The following SYMPK variants were observed in gnomAD, a reference collection of about 807,000 sequenced individuals.
SYMPK encodes the protein symplekin scaffold protein, also known as symplekin.
A neutral mutation model predicts 136.4 loss-of-function variants in SYMPK; 49 were observed. The observed-to-expected ratio is 0.36, with a 90% CI of 0.29 to 0.46. SYMPK has a LOEUF of 0.46. SYMPK is among the 20% of genes least tolerant of loss of function. SYMPK has a pLI of 1.00. For missense variants in SYMPK, 1,365 were observed against 1,690.0 expected (o/e 0.81, Z 3.37); for synonymous variants, 766 against 713.0 (o/e 1.07, Z -1.19).
rs909978376 is a variant in SYMPK, at chr19:45,848,339, A to G, written c.427-338T>C. Among the ~76,000 whole-genome samples, 4 of 152,226 alleles carry G rather than the reference A, an allele frequency of 2.6e-5. No homozygotes were observed. The East Asian group carries it at 5.8e-4, about 22-fold the overall frequency. On this transcript the variant is annotated intron_variant, in intron 6 of 26. Transcript: ENST00000245934. ...TCATTCGTTTTATTAATGCTAATGT[A>G]CATCACACCATAGAGTGTTCTTTTC...
At chr19:45,834,782 C>T (rs1042349434) in intron 11 of SYMPK, among the ~76,000 whole-genome samples, 8 of 152,212 alleles carry the variant, frequency 5.3e-5, no homozygotes, top group Non-Finnish European at 1.2e-4. Context: ...ATTAATAGTA[C>T]TGTTAAAACA....
chr19:45,835,516 G>A (rs918489), intron 10 of SYMPK, among the ~76,000 whole-genome samples: 21,701 of 152,196 alleles, frequency 0.14, 1,633 homozygotes, highest in South Asian at 0.18. Flanking sequence ...GCAGGAGTCA[G>A]CATAATACAG....
At chr19:45,817,041 GAGA>G in intron 23 of SYMPK, 67 bp from the exon 24 acceptor site, 1 of 1,482,658 alleles carries the variant, frequency 6.7e-7, no homozygotes, top group Non-Finnish European at 9.1e-7. Flanking sequence ...TTGACACTGG[GAGA>G]AAGACCTTGC....
chr19:45,826,745 G>T (rs533358466), intron 16 of SYMPK, among the ~76,000 whole-genome samples: 1 of 152,322 alleles, frequency 6.6e-6, no homozygotes, highest in East Asian at 1.9e-4. Context: ...GCCAGGAGCC[G>T]TGAGGGAAGG....
chr19:45,816,232 G>A (rs1177878443), intron 25 of SYMPK, 49 bp from the exon 26 acceptor site: 3 of 1,347,674 alleles, frequency 2.2e-6, no homozygotes, highest in Non-Finnish European at 3.0e-6. Context: ...GTGGCTCAGA[G>A]GACGGCCGGA....
chr19:45,830,290 G>A (rs1032004517), intron 12 of SYMPK, 86 bp from the exon 13 acceptor site: 29 of 1,456,722 alleles, frequency 2.0e-5, no homozygotes, highest in Non-Finnish European at 2.5e-5. Context: ...CAAGGACTAG[G>A]TAGGCAACAG....
rs548233463 is a variant in SYMPK, at chr19:45,825,370, C to G, written c.2330-39G>C. On this transcript the variant is annotated intron_variant, in intron 17 of 26. Coordinates refer to ENST00000245934, the MANE Select transcript of SYMPK (RefSeq NM_004819.3). ...AGCGGGCATCAGATTGGCCCACACT[C>G]TTCTCCAACCCCCTCGGACCCTCAG... The G allele has an allele frequency of 6.4e-5, 103 of 1,600,326 alleles. No individual in the cohort carries two copies. The East Asian group carries it at 2.0e-3, about 30-fold the overall frequency.
At chr19:45,826,055 C>G (rs564488499) in intron 17 of SYMPK, among the ~76,000 whole-genome samples, 171 bp downstream of exon 17, 1 of 152,288 alleles carries the variant, frequency 6.6e-6, no homozygotes, top group Non-Finnish European at 1.5e-5. Context: ...ACCCCCCAGG[C>G]TGGGCCAGAT....
At chr19:45,817,326 G>T (rs1195866715) in intron 23 of SYMPK, among the ~76,000 whole-genome samples, 1 of 151,974 alleles carries the variant, frequency 6.6e-6, no homozygotes. Context: ...GGTCCGTGCC[G>T]GTGCCGGGAC....
intron 1 of SYMPK, chr19:45,861,908 G>C (rs935563838): frequency 6.6e-6 from 1 of 151,914 alleles, no homozygotes; most frequent in African/African-American, 2.4e-5. Context: ...ACCTGGGTGT[G>C]GTGGGGCACG....
intron 9 of SYMPK, 118 bp downstream of exon 9, chr19:45,842,132 G>A: frequency 6.7e-7 from 1 of 1,482,428 alleles, no homozygotes; most frequent in Non-Finnish European, 9.1e-7. Flanking sequence ...CACTGTGCCT[G>A]GCCCACATAA....
chr19:45,847,405 C>T (rs913497049), intron 7 of SYMPK, among the ~76,000 whole-genome samples: 1 of 146,076 alleles, frequency 6.8e-6, no homozygotes, highest in Middle Eastern at 3.5e-3. Context: ...GCCTGGGCGA[C>T]AGAGGAAGAC....
chr19:45,848,913 T>C, intron 5 of SYMPK, 37 bp from the exon 6 acceptor site: 1 of 1,613,050 alleles, frequency 6.2e-7, no homozygotes, highest in Non-Finnish European at 8.5e-7. Flanking sequence ...GGTCAAGGTG[T>C]GGTCTTAGAG....
intron 1 of SYMPK, among the ~76,000 whole-genome samples, chr19:45,859,300 A>G (rs993572509): frequency 2.6e-4 from 40 of 151,526 alleles, no homozygotes; most frequent in Non-Finnish European, 5.3e-4. Flanking sequence ...AGTCTTTAAA[A>G]AAAAAAAAAA....
chr19:45,838,651 G>C (rs762936980), intron 9 of SYMPK, 36 bp from the exon 10 acceptor site: 17 of 1,594,442 alleles, frequency 1.1e-5, no homozygotes, highest in Non-Finnish European at 1.5e-5. Flanking sequence ...GCTGGCTATA[G>C]AGAGAGCTGC....
chr19:45,835,234 G>T lies in SYMPK; in HGVS notation c.1243-6C>A, dbSNP rs7256192. On this transcript the variant is annotated splice_region_variant and splice_polypyrimidine_tract_variant and intron_variant, in intron 10 of 26. Coordinates refer to ENST00000245934, the MANE Select transcript of SYMPK (RefSeq NM_004819.3). Reference sequence around the variant, plus strand: ...TACACCATGCTGATGAGGACCTGTGGGATGCCCAGGAAGAGAGCCTCTCCT... The same window carrying T: ...TACACCATGCTGATGAGGACCTGTGTGATGCCCAGGAAGAGAGCCTCTCCT... 117 of 1,573,770 alleles carry T rather than the reference G, an allele frequency of 7.4e-5. No individual in the cohort carries two copies. Among genetic ancestry groups the T allele is most frequent in the Non-Finnish European group, 1.0e-4 (116 of 1,159,526 alleles).
Position 45,829,070 on chromosome 19 carries a change from CGTT to C in SYMPK, c.1882_1884del (p.Asn628del), listed in dbSNP as rs1971111596. 2.5e-6 allele frequency: 4 copies of C among 1,614,146 alleles called. No homozygotes were observed. Among genetic ancestry groups the C allele is most frequent in the Non-Finnish European group, 3.4e-6 (4 of 1,180,036 alleles). ...CCCGAGGCACCTGCGGCCAGGTAGG[CGTT>C]GTACTCCTGGTAGAGCCAGGCGAAG... On this transcript the variant is annotated inframe_deletion, in exon 14 of 27. Transcript: ENST00000245934.
At chr19:45,834,733 ATAAT>A (rs1205603527) in intron 11 of SYMPK, among the ~76,000 whole-genome samples, 2 of 152,212 alleles carry the variant, frequency 1.3e-5, no homozygotes, top group Non-Finnish European at 2.9e-5. Context: ...ACTAAGGTCT[ATAAT>A]TAAGAGTTCT....
chr19:45,817,033 G>A (rs760565601), intron 23 of SYMPK, 59 bp from the exon 24 acceptor site: 1 of 1,504,800 alleles, frequency 6.6e-7, no homozygotes, highest in Non-Finnish European at 8.9e-7. Context: ...CCCGAGCCTT[G>A]ACACTGGGAG....
Sources: gnomAD v4.1 joint callset for allele counts (sites outside exome capture counted in the v4.1 genomes callset) on GRCh38, gnomAD v4.1.1 for gene constraint, MANE v1.5 for transcripts, NCBI Gene and HGNC (gene_info 2026-07-23, HGNC 2026-07-21) for gene names.